Variants in CADPS observed in about 807,000 individuals in gnomAD.
The protein encoded by CADPS is calcium-dependent secretion activator 1.
In CADPS, 57 loss-of-function variants were observed where a neutral mutation model predicts 167.3. The ratio of observed to expected loss-of-function variants is 0.34; its 90% CI spans 0.28 to 0.42. CADPS has a LOEUF of 0.42. CADPS is among the 20% of genes least tolerant of loss of function. CADPS has a pLI of 1.00. For synonymous variants in CADPS, 676 were observed against 635.3 expected (o/e 1.06, Z -0.96); for missense variants, 1,414 against 1,738.1 (o/e 0.81, Z 3.32).
intron 27 of CADPS, among the ~76,000 whole-genome samples, chr3:62,442,014 G>A (rs1305885933): frequency 6.6e-6 from 1 of 152,044 alleles, no homozygotes; most frequent in Non-Finnish European, 1.5e-5. Context: ...GGAGGTGAGG[G>A]CCTGGGACTC....
At chr3:62,616,774 A>G (rs2062378708) in intron 6 of CADPS, among the ~76,000 whole-genome samples, 1 of 152,204 alleles carries the variant, frequency 6.6e-6, no homozygotes, top group Non-Finnish European at 1.5e-5. Context: ...GGTGTCAAAG[A>G]GACTCACCAA....
At chr3:62,595,876 A>G (rs1030409695) in intron 6 of CADPS, among the ~76,000 whole-genome samples, 5 of 151,982 alleles carry the variant, frequency 3.3e-5, no homozygotes, top group Non-Finnish European at 7.4e-5. Flanking sequence ...CAGGCAGAAA[A>G]ACGTGAAGAG....
At chr3:62,767,939 G>C (rs1251712855) in intron 1 of CADPS, among the ~76,000 whole-genome samples, 1 of 152,130 alleles carries the variant, frequency 6.6e-6, no homozygotes, top group African/African-American at 2.4e-5. Context: ...TTGGAATCTG[G>C]TGTAGTTTAC....
intron 11 of CADPS, among the ~76,000 whole-genome samples, chr3:62,545,071 G>A (rs752459299): frequency 2.6e-5 from 4 of 152,200 alleles, no homozygotes; most frequent in South Asian, 2.1e-4. Context: ...TGTTGAAGAC[G>A]TTCAGGTGGT....
chr3:62,646,272 C>G (rs2068568062), intron 5 of CADPS, among the ~76,000 whole-genome samples: 2 of 149,910 alleles, frequency 1.3e-5, no homozygotes, highest in South Asian at 2.1e-4. Context: ...TCAAGCAATT[C>G]TCCTGCGTCG....
chr3:62,573,418 A>G (rs921723490), intron 8 of CADPS, among the ~76,000 whole-genome samples: 1 of 152,140 alleles, frequency 6.6e-6, no homozygotes, highest in Non-Finnish European at 1.5e-5. Flanking sequence ...GCTCGTCTAT[A>G]TATCATTAAA....
intron 3 of CADPS, among the ~76,000 whole-genome samples, chr3:62,731,805 C>CAAAAAAA (rs1212456893): frequency 0.014 from 380 of 27,062 alleles, 13 homozygotes; most frequent in Non-Finnish European, 0.019. Flanking sequence ...TGATCATATG[C>CAAAAAAA]AAAAAAAAAA....
intron 16 of CADPS, among the ~76,000 whole-genome samples, chr3:62,513,408 C>T (rs2068286401): frequency 6.6e-6 from 1 of 151,980 alleles, no homozygotes; most frequent in Non-Finnish European, 1.5e-5. Flanking sequence ...GAAAAACTTA[C>T]AGACAAATCT....
intron 1 of CADPS, among the ~76,000 whole-genome samples, chr3:62,873,925 C>T (rs910168745): frequency 6.6e-6 from 1 of 152,182 alleles, no homozygotes; most frequent in Admixed American, 6.5e-5. Flanking sequence ...AGAACTCCAG[C>T]CATAAGGAAG....
intron 6 of CADPS, among the ~76,000 whole-genome samples, chr3:62,642,568 G>C (rs2067638843): frequency 6.6e-6 from 1 of 152,156 alleles, no homozygotes; most frequent in East Asian, 1.9e-4. Context: ...AGGGAGGCAG[G>C]AAGAAAATGG....
chr3:62,704,483 T>C (rs2081985874), intron 3 of CADPS, among the ~76,000 whole-genome samples: 1 of 152,156 alleles, frequency 6.6e-6, no homozygotes, highest in Non-Finnish European at 1.5e-5. Flanking sequence ...TGGGGCTCTA[T>C]TTACTTCAAC....
chr3:62,608,632 C>T (rs566548561), intron 6 of CADPS, among the ~76,000 whole-genome samples: 11 of 152,216 alleles, frequency 7.2e-5, no homozygotes, highest in South Asian at 4.2e-4. Context: ...ATTTAAAAGA[C>T]GTATAATTAA....
chr3:62,457,311 C>T (rs1013471682), intron 26 of CADPS, among the ~76,000 whole-genome samples: 18 of 152,164 alleles, frequency 1.2e-4, no homozygotes, highest in Admixed American at 3.9e-4. Flanking sequence ...TAAGATTATA[C>T]TTTAGGAAGT....
intron 3 of CADPS, among the ~76,000 whole-genome samples, chr3:62,733,093 A>T (rs929390813): frequency 6.6e-6 from 1 of 152,232 alleles, no homozygotes; most frequent in Non-Finnish European, 1.5e-5. Context: ...GAGTTCTGTG[A>T]CAAAGATTAA....
chr3:62,838,505 T>G (rs938871525), intron 1 of CADPS, among the ~76,000 whole-genome samples: 1 of 152,152 alleles, frequency 6.6e-6, no homozygotes, highest in Non-Finnish European at 1.5e-5. Flanking sequence ...CCTAAAACTG[T>G]GTGAAACAGT....
At chr3:62,870,681 AC>A (rs1039637366) in intron 1 of CADPS, among the ~76,000 whole-genome samples, 31 of 152,146 alleles carry the variant, frequency 2.0e-4, no homozygotes, top group Admixed American at 1.8e-3. Context: ...TGTACACTAT[AC>A]CTATGTATGT....
intron 6 of CADPS, among the ~76,000 whole-genome samples, chr3:62,594,682 T>G (rs1163138450): frequency 6.6e-6 from 1 of 152,182 alleles, no homozygotes; most frequent in Non-Finnish European, 1.5e-5. Context: ...TAGATATTAA[T>G]TTTTGATTTC....
At chr3:62,740,326 C>G (rs576119899) in intron 3 of CADPS, among the ~76,000 whole-genome samples, 1 of 152,194 alleles carries the variant, frequency 6.6e-6, no homozygotes, top group Non-Finnish European at 1.5e-5. Context: ...AGTCTGCTGA[C>G]GGCCCACTCA....
intron 1 of CADPS, among the ~76,000 whole-genome samples, chr3:62,846,998 A>G (rs962342239): frequency 6.6e-6 from 1 of 152,176 alleles, no homozygotes; most frequent in Non-Finnish European, 1.5e-5. Flanking sequence ...TATTAAAAAC[A>G]TTTGAATTTG....
Sources: allele counts gnomAD v4.1 joint callset (sites outside exome capture counted in the v4.1 genomes callset), GRCh38; gene constraint gnomAD v4.1.1; transcripts MANE v1.5; gene names NCBI Gene and HGNC (gene_info 2026-07-23, HGNC 2026-07-21).